CNTN4: variants seen among roughly 807,000 people sequenced by gnomAD.
CNTN4 encodes the protein contactin-4.
Under a neutral mutation model 122.5 loss-of-function variants are expected in CNTN4, and 77 were observed. The ratio of observed to expected loss-of-function variants is 0.63; its 90% confidence interval spans 0.52 to 0.76. CNTN4 has a LOEUF of 0.76. Ranked by LOEUF, CNTN4 falls within the 30% of genes least tolerant of loss-of-function variation. The probability of loss-of-function intolerance (pLI) is 0.00; values close to 1 mark genes in which losing one functional copy is unlikely to be tolerated. For missense variants in CNTN4, 1,256 were observed against 1,259.1 expected (o/e 1.00, Z 0.04); for synonymous variants, 512 against 447.0 (o/e 1.15, Z -1.83).
At chr3:2,373,272 C>T (rs1023457411) in intron 3 of CNTN4, among the ~76,000 whole-genome samples, 2 of 152,152 alleles carry the variant, frequency 1.3e-5, no homozygotes, top group African/African-American at 2.4e-5. Context: ...CAGTTGCACT[C>T]CTTGGGCAGG....
At chr3:2,777,244 C>A (rs2091359506) in intron 6 of CNTN4, among the ~76,000 whole-genome samples, 1 of 152,094 alleles carries the variant, frequency 6.6e-6, no homozygotes, top group African/African-American at 2.4e-5. Context: ...GATTAATACC[C>A]CTAACATGAG....
chr3:2,469,166 G>C (rs749202849), intron 3 of CNTN4, among the ~76,000 whole-genome samples: 1 of 152,132 alleles, frequency 6.6e-6, no homozygotes. Flanking sequence ...AATTGACTAA[G>C]TTTCGCTCTT....
At chr3:2,624,226 GA>G (rs1293074047) in intron 4 of CNTN4, among the ~76,000 whole-genome samples, 6 of 152,080 alleles carry the variant, frequency 3.9e-5, no homozygotes, top group Admixed American at 1.3e-4. Flanking sequence ...ATACTATCCT[GA>G]AAAAGCATTC....
intron 4 of CNTN4, among the ~76,000 whole-genome samples, chr3:2,672,432 C>T (rs1282015758): frequency 6.6e-6 from 1 of 152,190 alleles, no homozygotes; most frequent in African/African-American, 2.4e-5. Flanking sequence ...GATATAATCT[C>T]CTGGTTTGCT....
rs75344713 is a variant in CNTN4 at position 2,504,208 on chromosome 3, T to A, written c.-88-67208T>A. 3.7e-3 allele frequency among the ~76,000 whole-genome samples: 568 copies of A among 152,206 alleles called. 2 individuals are homozygous for A. Among genetic ancestry groups the A allele is most frequent in the African/African-American group, 0.013 (545 of 41,526 alleles). On this transcript the variant is annotated intron_variant, in intron 3 of 24. Coordinates refer to ENST00000418658, the MANE Select transcript of CNTN4 (RefSeq NM_175607.3). ...TAGCACTAGTAGATATGAAGAGGGA[T>A]GTCTCGTTTTCAGTTTAAGGCATTA...
chr3:2,175,706 G>T (rs1285134357), intron 2 of CNTN4, among the ~76,000 whole-genome samples: 1 of 152,092 alleles, frequency 6.6e-6, no homozygotes, highest in African/African-American at 2.4e-5. Flanking sequence ...GTCCCCAAAG[G>T]ACTGTGATCC....
chr3:2,903,119 A>G, intron 12 of CNTN4, 114 bp downstream of exon 12: 1 of 1,038,560 alleles, frequency 9.6e-7, no homozygotes, highest in Non-Finnish European at 1.4e-6. Flanking sequence ...AGAAATCTTT[A>G]GGCCAAAGAT....
chr3:2,481,013 CTTTCTTTCTTTTCTTTTTCT>C (rs1480472073), intron 3 of CNTN4, among the ~76,000 whole-genome samples: 2 of 142,636 alleles, frequency 1.4e-5, no homozygotes, highest in Admixed American at 1.4e-4. Context: ...TTAATTCTTT[CTTTCTTTCTTTTCTTTTTCT>C]TTTCTTTCTT....
chr3:2,976,774 G>A (rs1693454278), intron 13 of CNTN4, among the ~76,000 whole-genome samples: 3 of 152,038 alleles, frequency 2.0e-5, no homozygotes, highest in South Asian at 2.1e-4. Context: ...TTGAAATCAA[G>A]TATGTAAGCT....
intron 4 of CNTN4, among the ~76,000 whole-genome samples, chr3:2,652,263 C>T (rs909739452): frequency 6.6e-6 from 1 of 152,060 alleles, no homozygotes; most frequent in African/African-American, 2.4e-5. Context: ...AATTTGGGAA[C>T]AGAAGGGAAA....
intron 2 of CNTN4, among the ~76,000 whole-genome samples, chr3:2,127,712 A>G (rs2034247140): frequency 6.6e-6 from 1 of 152,336 alleles, no homozygotes; most frequent in East Asian, 1.9e-4. Context: ...CTCAGTACCA[A>G]GAATTCTTGC....
intron 4 of CNTN4, among the ~76,000 whole-genome samples, chr3:2,650,170 G>A (rs2150185480): frequency 6.6e-6 from 1 of 151,498 alleles, no homozygotes; most frequent in Non-Finnish European, 1.5e-5. Context: ...CCAGGATTTT[G>A]GAAATTGATT....
chr3:2,233,190 G>A (rs1252982942), intron 2 of CNTN4, among the ~76,000 whole-genome samples: 1 of 152,094 alleles, frequency 6.6e-6, no homozygotes, highest in Non-Finnish European at 1.5e-5. Flanking sequence ...CCAAAGAGAA[G>A]CTAATAATTG....
intron 14 of CNTN4, among the ~76,000 whole-genome samples, chr3:3,009,931 C>A (rs1206683784): frequency 2.0e-5 from 3 of 151,284 alleles, no homozygotes; most frequent in Non-Finnish European, 3.0e-5. Context: ...ATTAATATTT[C>A]GGTGTTTCCT....
intron 2 of CNTN4, among the ~76,000 whole-genome samples, chr3:2,291,588 A>C (rs2042136749): frequency 6.6e-6 from 1 of 152,026 alleles, no homozygotes; most frequent in East Asian, 1.9e-4. Context: ...TCACCATAGG[A>C]TAATGCTAAT....
At chr3:2,216,760 G>A (rs779066978) in intron 2 of CNTN4, among the ~76,000 whole-genome samples, 3 of 152,096 alleles carry the variant, frequency 2.0e-5, no homozygotes, top group African/African-American at 4.8e-5. Flanking sequence ...TATAGTTGAT[G>A]TTATGCCCTG....
At chr3:2,206,993 G>C (rs1357849415) in intron 2 of CNTN4, among the ~76,000 whole-genome samples, 2 of 151,042 alleles carry the variant, frequency 1.3e-5, no homozygotes, top group Non-Finnish European at 1.5e-5. Flanking sequence ...GTAACATTTT[G>C]GTAATTCTCT....
intron 2 of CNTN4, among the ~76,000 whole-genome samples, chr3:2,145,049 G>A (rs1463770329): frequency 6.6e-6 from 1 of 152,212 alleles, no homozygotes; most frequent in Non-Finnish European, 1.5e-5. Context: ...AGATGTTCAG[G>A]TGGAGGTTAT....
At chr3:2,341,975 T>C (rs914710387) in intron 3 of CNTN4, among the ~76,000 whole-genome samples, 2 of 152,138 alleles carry the variant, frequency 1.3e-5, no homozygotes, top group South Asian at 2.1e-4. Flanking sequence ...GAGTTTAATA[T>C]CCTTAGCTAC....
Sources: gnomAD v4.1 joint callset for allele counts (sites outside exome capture counted in the v4.1 genomes callset) on GRCh38, gnomAD v4.1.1 for gene constraint, MANE v1.5 for transcripts, NCBI Gene and HGNC (gene_info 2026-07-23, HGNC 2026-07-21) for gene names.